KLHL29: variants seen among roughly 807,000 people sequenced by gnomAD.
The protein encoded by KLHL29 is kelch like family member 29.
A neutral mutation model predicts 80.4 loss-of-function variants in KLHL29; 21 were observed. That is an observed-to-expected ratio of 0.26 (90% CI 0.19 to 0.38). The LOEUF (loss-of-function observed/expected upper bound fraction) is 0.38. Among genes scored for constraint, KLHL29 ranks in the 10% least tolerant of loss-of-function variants. The pLI is 1.00. For synonymous variants in KLHL29, 511 were observed against 526.8 expected, an observed-to-expected ratio of 0.97 and a Z score of 0.41; for missense variants, 867 against 1,223.9, an observed-to-expected ratio of 0.71 and a Z score of 4.35.
intron 5 of KLHL29, among the ~76,000 whole-genome samples, chr2:23,659,945 C>T (rs188886954): frequency 2.6e-5 from 4 of 152,178 alleles, no homozygotes; most frequent in Admixed American, 2.0e-4. Flanking sequence ...TTCAGGGGTC[C>T]TCCTTTCTCA....
intron 1 of KLHL29, among the ~76,000 whole-genome samples, chr2:23,395,705 A>C (rs926628136): frequency 2.6e-5 from 4 of 151,896 alleles, no homozygotes; most frequent in African/African-American, 9.7e-5. Flanking sequence ...AGATCGCAAC[A>C]CTGCACTGTA....
At chr2:23,573,694 C>G (rs1667773548) in intron 3 of KLHL29, among the ~76,000 whole-genome samples, 1 of 152,358 alleles carries the variant, frequency 6.6e-6, no homozygotes, top group South Asian at 2.1e-4. Context: ...ACCTCATAAA[C>G]AGCCAGCTGC....
chr2:23,527,429 A>G (rs1481633871), intron 2 of KLHL29, among the ~76,000 whole-genome samples: 1 of 152,212 alleles, frequency 6.6e-6, no homozygotes, highest in African/African-American at 2.4e-5. Flanking sequence ...TGTCTGCAGC[A>G]TCCCTTCTGC....
intron 1 of KLHL29, among the ~76,000 whole-genome samples, chr2:23,389,744 C>T (rs576450435): frequency 2.0e-5 from 3 of 152,172 alleles, no homozygotes; most frequent in African/African-American, 7.2e-5. Context: ...CATATGTTTC[C>T]CAGGCCTGTC....
chr2:23,441,317 T>G (rs1266284929), intron 1 of KLHL29, among the ~76,000 whole-genome samples: 6 of 104,554 alleles, frequency 5.7e-5, no homozygotes, highest in African/African-American at 2.3e-4. Flanking sequence ...CATCACACTC[T>G]GGGGACTGTG....
intron 2 of KLHL29, among the ~76,000 whole-genome samples, chr2:23,509,024 G>A (rs763578175): frequency 6.6e-5 from 10 of 152,170 alleles, no homozygotes; most frequent in South Asian, 2.1e-4. Context: ...ATGTACCTCC[G>A]TCATGAGAAT....
At chr2:23,404,235 A>G (rs1666670855) in intron 1 of KLHL29, among the ~76,000 whole-genome samples, 1 of 151,368 alleles carries the variant, frequency 6.6e-6, no homozygotes, top group African/African-American at 2.4e-5. Flanking sequence ...GTTCCCTGGG[A>G]GCAGAAAAAG....
chr2:23,646,970 AT>A (rs1303499423), intron 5 of KLHL29, among the ~76,000 whole-genome samples: 1 of 152,182 alleles, frequency 6.6e-6, no homozygotes, highest in Non-Finnish European at 1.5e-5. Flanking sequence ...AGCTCTGGCT[AT>A]TGCCTCTGGT....
Position 23,693,285 on chromosome 2 carries a change from C to T in KLHL29, c.1299C>T (p.Ala433=). The part of the protein sequence containing the change: ...CVSFLEKQLT[A]SNCLGVLAMA... ...CGCCCCCAGAGAAGCAGCTGACGGCCAGCAACTGCCTGGGCGTGCTGGCCA... is the reference window on the plus strand; with the variant it reads ...CGCCCCCAGAGAAGCAGCTGACGGCTAGCAACTGCCTGGGCGTGCTGGCCA... Residue 433 remains alanine, a synonymous_variant, in exon 8 of 14, where the codon GCC becomes GCT. Coordinates refer to ENST00000486442, the MANE Select transcript of KLHL29 (RefSeq NM_052920.2). The T allele has an allele frequency of 6.5e-7, 1 of 1,542,694 alleles. No homozygotes were observed. The highest frequency in any genetic ancestry group is 8.8e-7 in the Non-Finnish European group (1 of 1,140,950).
intron 1 of KLHL29, among the ~76,000 whole-genome samples, chr2:23,461,543 G>C (rs1040170975): frequency 6.6e-6 from 1 of 152,126 alleles, no homozygotes; most frequent in Non-Finnish European, 1.5e-5. Context: ...ATGCCCTATC[G>C]ACAGAGAAAC....
intron 3 of KLHL29, among the ~76,000 whole-genome samples, chr2:23,586,706 G>A (rs557391371): frequency 2.0e-5 from 3 of 152,288 alleles, no homozygotes; most frequent in South Asian, 4.1e-4. Context: ...CTCAGGAAAC[G>A]TCCATTTAGC....
intron 3 of KLHL29, among the ~76,000 whole-genome samples, chr2:23,589,464 G>T (rs1458874822): frequency 6.6e-6 from 1 of 152,176 alleles, no homozygotes; most frequent in Non-Finnish European, 1.5e-5. Flanking sequence ...GGTTATCCCG[G>T]AATCCCGCCA....
chr2:23,524,356 G>T, intron 2 of KLHL29: 3 of 193,600 alleles, frequency 1.5e-5, no homozygotes, highest in South Asian at 9.6e-5. Context: ...CCAGGAAGTA[G>T]CAGGCCAGGA....
intron 5 of KLHL29, among the ~76,000 whole-genome samples, chr2:23,645,619 G>A (rs138549674): frequency 1.3e-5 from 2 of 152,338 alleles, no homozygotes; most frequent in African/African-American, 4.8e-5. Flanking sequence ...CCGGGGTTGA[G>A]TAATTATGGG....
At chr2:23,598,066 C>T (rs1046700900) in intron 3 of KLHL29, among the ~76,000 whole-genome samples, 7 of 152,160 alleles carry the variant, frequency 4.6e-5, no homozygotes, top group Non-Finnish European at 8.8e-5. Context: ...CTCTGAAGTT[C>T]AAGGGTTTGG....
rs1014322716 is a variant in KLHL29, at chr2:23,579,815, C to T, written c.285+17334C>T. On this transcript the variant is annotated intron_variant, in intron 3 of 13. Coordinates refer to ENST00000486442, the MANE Select transcript of KLHL29 (RefSeq NM_052920.2). The stretch of plus-strand genomic sequence containing the variant: ...AAGCCTCATCTGTCACCTCTGCACC[C>T]CCGCCCCCATGGGTCTTACATTTCA... 2.6e-5 allele frequency among the ~76,000 whole-genome samples: 4 copies of T among 152,310 alleles called. No homozygotes were observed. The South Asian group carries it at 6.2e-4, about 24-fold the overall frequency.
intron 3 of KLHL29, among the ~76,000 whole-genome samples, chr2:23,625,839 G>A (rs1215817459): frequency 6.6e-6 from 1 of 152,126 alleles, no homozygotes; most frequent in Admixed American, 6.5e-5. Context: ...CCACCTGATG[G>A]GATTAGTGCT....
In KLHL29 at chr2:23,695,868, C is replaced by T. The variant is rs1275301925; in HGVS notation, c.1741+47C>T. ...ACCTCCCAAGAAGCAGTGTCTTGGG[C>T]TCAGTGGTTCCAGTGAGGTGCCAGG... On this transcript the variant is annotated intron_variant, in intron 9 of 13. Transcript: ENST00000486442. The surrounding 1 kb of genome is among the most constrained non-coding windows in gnomAD (Gnocchi z 7.6). 2.6e-6 allele frequency: 4 copies of T among 1,535,090 alleles called. No homozygotes were observed. Among genetic ancestry groups the T allele is most frequent in the Non-Finnish European group, 3.5e-6 (4 of 1,139,094 alleles).
At chr2:23,458,398 C>T (rs887815814) in intron 1 of KLHL29, among the ~76,000 whole-genome samples, 13 of 152,220 alleles carry the variant, frequency 8.5e-5, no homozygotes, top group Non-Finnish European at 1.8e-4. Flanking sequence ...AATACATAAA[C>T]ACATGGGTGT....
Sources: allele counts gnomAD v4.1 joint callset (sites outside exome capture counted in the v4.1 genomes callset), GRCh38; gene constraint gnomAD v4.1.1; non-coding constraint Gnocchi (gnomAD v3.1); transcripts MANE v1.5; gene names NCBI Gene and HGNC (gene_info 2026-07-23, HGNC 2026-07-21).